PDE5A: variants seen among roughly 807,000 people sequenced by gnomAD.
The protein encoded by PDE5A is cGMP-specific 3',5'-cyclic phosphodiesterase.
PDE5A carries 67 observed loss-of-function variants against 110.2 expected under a neutral mutation model. The ratio of observed to expected loss-of-function variants is 0.61; its 90% CI spans 0.50 to 0.75. The LOEUF (loss-of-function observed/expected upper bound fraction) is 0.75. Ranked by LOEUF, PDE5A falls within the 30% of genes least tolerant of loss-of-function variation. PDE5A has a pLI of 0.00. For synonymous variants in PDE5A, 328 were observed against 351.2 expected (o/e 0.93, Z 0.74); for missense variants, 862 against 1,045.1 (o/e 0.82, Z 2.42).
intron 7 of PDE5A, among the ~76,000 whole-genome samples, chr4:119,556,982 T>A (rs1253842135): frequency 1.3e-5 from 2 of 151,970 alleles, no homozygotes; most frequent in African/African-American, 4.8e-5. Context: ...AATATTATAG[T>A]GTCCTTTAGA....
At chr4:119,598,637 A>G (rs1027904347) in intron 2 of PDE5A, among the ~76,000 whole-genome samples, 3 of 152,210 alleles carry the variant, frequency 2.0e-5, no homozygotes, top group Non-Finnish European at 4.4e-5. Context: ...GACAAAATAC[A>G]AGACAACAAA....
At position 119,495,246 on chromosome 4, in the gene PDE5A, C is replaced by G. The variant is rs1198945863; in HGVS notation, c.*3355G>C. The G allele has an allele frequency of 6.6e-6, 1 of 152,092 alleles. No individual in the cohort carries two copies. Among genetic ancestry groups the G allele is most frequent in the Non-Finnish European group, 1.5e-5 (1 of 68,026 alleles). 9.4% of individuals were successfully genotyped at this position (152,092 alleles called of 1,614,324 possible). A position where few individuals can be genotyped will look rare whatever the true frequency, so the allele number is the denominator to read the frequency against. On this transcript the variant is annotated 3_prime_UTR_variant, in exon 21 of 21. Coordinates refer to ENST00000354960, the MANE Select transcript of PDE5A (RefSeq NM_001083.4). ...TCTTCTCTAGCACCTCCTTCAGGGA[C>G]CGTGAGCTCCTTGGGGTCACTGCTC... is the stretch of plus-strand genomic sequence containing the variant.
intron 2 of PDE5A, 28 bp downstream of exon 2, chr4:119,606,663 AGTCCCCTCCCCAGCACTG>A: frequency 7.1e-7 from 1 of 1,408,460 alleles, no homozygotes; most frequent in Non-Finnish European, 1.0e-6. Context: ...CCCCAGCCAT[AGTCCCCTCCCCAGCACTG>A]GTCCTGCTCT....
intron 14 of PDE5A, among the ~76,000 whole-genome samples, chr4:119,515,477 A>G (rs1725878055): frequency 6.6e-6 from 1 of 152,172 alleles, no homozygotes; most frequent in South Asian, 2.1e-4. Flanking sequence ...TAACCTTGAA[A>G]AAAACACATT....
chr4:119,510,932 G>A lies in PDE5A; in HGVS notation c.2088+115C>T, dbSNP rs950901095. The A allele has an allele frequency of 3.6e-5, 25 of 694,390 alleles. No individual in the cohort carries two copies. In the African/African-American group the frequency reaches 4.2e-4, roughly 12 times the overall value. The allele number at this position is 694,390 out of a possible 1,614,324, so 43.0% of individuals were successfully genotyped here. On this transcript the variant is annotated intron_variant, in intron 15 of 20. Transcript: ENST00000354960. ...TGGCTTCGCCTTCCTTACCCAAAAA[G>A]GAATAAAGTATGTGCAAGAATTTAT...
chr4:119,596,451 A>C, intron 3 of PDE5A, 72 bp downstream of exon 3: 2 of 751,196 alleles, frequency 2.7e-6, no homozygotes, highest in Non-Finnish European at 2.2e-6. Flanking sequence ...ATATATGCAA[A>C]GTAAATACAA....
chr4:119,508,510 C>T (rs1725632381), intron 15 of PDE5A, among the ~76,000 whole-genome samples: 1 of 151,930 alleles, frequency 6.6e-6, no homozygotes, highest in Admixed American at 6.6e-5. Context: ...GGAATGAGAT[C>T]TGAAGGCAAG....
intron 3 of PDE5A, among the ~76,000 whole-genome samples, chr4:119,587,509 G>C (rs1004791694): frequency 1.3e-5 from 2 of 151,752 alleles, no homozygotes; most frequent in African/African-American, 4.8e-5. Flanking sequence ...TCAGCCTCCC[G>C]AGTAGCTGGG....
intron 3 of PDE5A, among the ~76,000 whole-genome samples, chr4:119,576,565 A>C (rs1578791996): frequency 6.6e-6 from 1 of 152,262 alleles, no homozygotes; most frequent in South Asian, 2.1e-4. Flanking sequence ...ATGGAAACTG[A>C]ACAATCGGCT....
intron 2 of PDE5A, among the ~76,000 whole-genome samples, chr4:119,601,571 T>C (rs1271284787): frequency 6.6e-6 from 1 of 152,142 alleles, no homozygotes; most frequent in Non-Finnish European, 1.5e-5. Context: ...CCGTGGGTCA[T>C]TCTATCTAAT....
At position 119,606,891 on chromosome 4, in the gene PDE5A, G is replaced by A; in HGVS notation, c.559C>T (p.Leu187=). Residue 187 remains leucine (L), a synonymous_variant, in exon 2 of 21, where the codon CTG becomes TTG. Transcript: ENST00000354960. ...HGLISADRYS[L]FLVCEDSSND... is the part of the protein sequence containing the mutation. Reference sequence around the variant, plus strand: ...GAGCTGTCTTCACAGACAAGGAACAGGGAATAGCGGTCAGCAGATATCAGT... The same window carrying A: ...GAGCTGTCTTCACAGACAAGGAACAAGGAATAGCGGTCAGCAGATATCAGT... The A allele has an allele frequency of 1.2e-6, 2 of 1,614,226 alleles. No individual in the cohort carries two copies. The highest frequency in any genetic ancestry group is 1.7e-6 in the Non-Finnish European group (2 of 1,180,046).
rs1725028816 is a variant in PDE5A at position 119,495,484 on chromosome 4, G to A, written c.*3117C>T. Reference sequence around the variant, plus strand: ...CTTGTGATGGCCTGTTAAGTTTTAGGAGTACAATCTGGTGAAAAACACAGA... The same window carrying A: ...CTTGTGATGGCCTGTTAAGTTTTAGAAGTACAATCTGGTGAAAAACACAGA... On this transcript the variant is annotated 3_prime_UTR_variant, in exon 21 of 21. Coordinates refer to ENST00000354960, the MANE Select transcript of PDE5A (RefSeq NM_001083.4). 6.6e-6 allele frequency: 1 copy of A among 152,422 alleles called. No individual in the cohort carries two copies. The highest frequency in any genetic ancestry group is 2.4e-5 in the African/African-American group (1 of 41,396). 9.4% of individuals were successfully genotyped at this position (152,422 alleles called of 1,614,324 possible).
intron 1 of PDE5A, chr4:119,628,071 G>A (rs1472932855): frequency 1.3e-5 from 13 of 984,540 alleles, no homozygotes; most frequent in African/African-American, 3.5e-5. Context: ...CGCCCAGCCA[G>A]GGCCAGGGCG....
At chr4:119,555,335 A>T (rs62319607) in intron 7 of PDE5A, among the ~76,000 whole-genome samples, 3,362 of 152,322 alleles carry the variant, frequency 0.022, 71 homozygotes, top group Non-Finnish European at 0.037. Context: ...CTGTGAAGGC[A>T]TGCCAGTTAC....
intron 5 of PDE5A, among the ~76,000 whole-genome samples, chr4:119,564,669 A>T (rs2170276): frequency 6.6e-6 from 1 of 151,892 alleles, no homozygotes; most frequent in Non-Finnish European, 1.5e-5. Context: ...TCAAGGAAAA[A>T]AATTCAGAAA....
At chr4:119,499,705 G>A (rs1474760563) in intron 20 of PDE5A, 3 of 151,798 alleles carry the variant, frequency 2.0e-5, no homozygotes, top group Non-Finnish European at 4.4e-5. Flanking sequence ...CCACACCCGC[G>A]CTTATAATAG....
intron 3 of PDE5A, among the ~76,000 whole-genome samples, chr4:119,576,252 C>T (rs1430608806): frequency 6.6e-6 from 1 of 152,112 alleles, no homozygotes; most frequent in African/African-American, 2.4e-5. Context: ...ACTTTAACAC[C>T]CTACTGTCAA....
intron 11 of PDE5A, among the ~76,000 whole-genome samples, chr4:119,529,886 G>T (rs768373331): frequency 2.0e-5 from 3 of 152,230 alleles, no homozygotes; most frequent in Non-Finnish European, 2.9e-5. Context: ...CATTAGAGCA[G>T]CAGTTCTCAA....
chr4:119,603,105 T>C (rs1176196623), intron 2 of PDE5A, among the ~76,000 whole-genome samples: 1 of 152,228 alleles, frequency 6.6e-6, no homozygotes, highest in African/African-American at 2.4e-5. Flanking sequence ...GGTTTTCCTA[T>C]AAAAGGAAAA....
Sources: allele counts gnomAD v4.1 joint callset (sites outside exome capture counted in the v4.1 genomes callset), GRCh38; gene constraint gnomAD v4.1.1; transcripts MANE v1.5; gene names NCBI Gene and HGNC (gene_info 2026-07-23, HGNC 2026-07-21).